IPO4: variants seen among roughly 807,000 people sequenced by gnomAD.
IPO4 encodes importin-4.
IPO4 carries 91 observed loss-of-function variants against 133.5 expected under a neutral mutation model. That is an observed-to-expected ratio of 0.68 (90% CI 0.58 to 0.81). The LOEUF (loss-of-function observed/expected upper bound fraction) is 0.81, where lower values mean the gene tolerates loss of function less well. Among genes scored for constraint, IPO4 ranks in the 30% least tolerant of loss-of-function variants. The probability of loss-of-function intolerance (pLI) is 0.00; values close to 1 mark genes in which losing one functional copy is unlikely to be tolerated. For missense variants in IPO4, 1,279 were observed against 1,386.2 expected (o/e 0.92, Z 1.23); for synonymous variants, 607 against 581.6 (o/e 1.04, Z -0.63).
intron 11 of IPO4, 56 bp from the exon 12 acceptor site, chr14:24,186,026 T>C (rs2039216923): frequency 6.3e-7 from 1 of 1,588,368 alleles, no homozygotes; most frequent in African/African-American, 1.3e-5. Flanking sequence ...CCCATTCCTG[T>C]GGTAATAGGC....
Position 24,187,793 on chromosome 14 carries a change from G to A in IPO4, c.282C>T (p.His94=). The A allele has an allele frequency of 6.2e-7, 1 of 1,614,138 alleles. No individual in the cohort carries two copies. ...ILTALQRETE[H]CVSLSLAQLS... is the part of the protein sequence containing the mutation. Reference sequence around the variant, plus strand: ...GCTGGGCCAGGCTGAGGCTCACACAGTGCCTGCAAACAGGAGAGATCTCCT... The same window carrying A: ...GCTGGGCCAGGCTGAGGCTCACACAATGCCTGCAAACAGGAGAGATCTCCT... Residue 94 remains histidine, a synonymous_variant, in exon 5 of 30, where the codon CAC becomes CAT. Transcript: ENST00000354464.
rs1310614979 is a variant in IPO4, at chr14:24,187,662, G to T, written c.408+5C>A. The T allele has an allele frequency of 6.2e-7, 1 of 1,613,828 alleles. No homozygotes were observed. The highest frequency in any genetic ancestry group is 1.3e-5 in the African/African-American group (1 of 74,942). ...CCCTCCCTCCTGCCAACCATGTGAT[G>T]GTACCTCTCTCTCTGGGCTGTGGGG... On this transcript the variant is annotated splice_donor_5th_base_variant and intron_variant, in intron 5 of 29. Transcript: ENST00000354464.
At position 24,188,215 on chromosome 14, in the gene IPO4, C is replaced by T. The variant is rs1373084845; in HGVS notation, c.278+1G>A. 5 of 1,613,070 alleles carry T rather than the reference C, an allele frequency of 3.1e-6. No individual in the cohort carries two copies. Among genetic ancestry groups the T allele is most frequent in the Non-Finnish European group, 4.2e-6 (5 of 1,179,580 alleles). ...CCCGAGAGAAGTGGGTAGGTACTTA[C>T]TCTGTTTCTCTCTGCAGGGCCGTCA... On this transcript the variant is annotated splice_donor_variant, in intron 4 of 29. Coordinates refer to ENST00000354464, the MANE Select transcript of IPO4 (RefSeq NM_024658.4). LOFTEE classifies it high-confidence loss of function.
At position 24,183,986 on chromosome 14, in the gene IPO4, C is replaced by CCCCCCTTTCT; in HGVS notation, c.1869+11_1869+12insAGAAAGGGGG. Reference sequence around the variant, plus strand: ...GGGCAGGCCTGGCCCAGCCCACCCACCCTTTGCTCACCACAATGCCCTCGG... The same window carrying CCCCCCTTTCT: ...GGGCAGGCCTGGCCCAGCCCACCCACCCCCCTTTCTCCTTTGCTCACCACAATGCCCTCGG... On this transcript the variant is annotated intron_variant, in intron 18 of 29. Coordinates refer to ENST00000354464, the MANE Select transcript of IPO4 (RefSeq NM_024658.4). 6.2e-7 allele frequency: 1 copy of CCCCCCTTTCT among 1,607,552 alleles called. No individual in the cohort carries two copies. The highest frequency in any genetic ancestry group is 1.7e-5 in the Admixed American group (1 of 59,584).
At chr14:24,184,496 C>T in intron 16 of IPO4, 78 bp from the exon 17 acceptor site, 1 of 1,518,516 alleles carries the variant, frequency 6.6e-7, no homozygotes, top group Non-Finnish European at 8.9e-7. Context: ...GGGAGGGATT[C>T]AGAAATCCCG....
In IPO4 at chr14:24,184,305, G is replaced by T; in HGVS notation, c.1750C>A (p.Arg584Ser). The change falls in exon 17 of 30, where the codon CGC becomes AGC. Residue 584 changes from arginine (R) to serine (S), a missense_variant. By Grantham distance (110) the Arg-to-Ser change is moderately radical. Transcript: ENST00000354464. ...CDQVDDPDLRRCTYSLFAALS... is the reference protein window; with the variant it reads ...CDQVDDPDLRSCTYSLFAALS... ...GGGTGAGGGGTCACTCACGTGCAGC[G>T]CCGCAAGTCAGGGTCGTCTACCTGG... The T allele has an allele frequency of 6.3e-7, 1 of 1,583,200 alleles. No homozygotes were observed. Among genetic ancestry groups the T allele is most frequent in the Non-Finnish European group, 8.6e-7 (1 of 1,164,794 alleles).
At position 24,185,546 on chromosome 14, in the gene IPO4, C is replaced by G. The variant is rs367677423; in HGVS notation, c.1191G>C (p.Gln397His). The change falls in exon 13 of 30, where the codon CAG becomes CAC. Residue 397 changes from glutamine (Q) to histidine (H), a missense_variant. Physicochemically the swap from Gln to His is conservative, Grantham distance 24. Transcript: ENST00000354464. ...GGTCCTCCAGGCCCTTGCACACAAT[C>G]TGCAGCAGTGGGGGCAGCAGTCTGG... ...IRQRLLPPLL[Q>H]IVCKGLEDPS... 5 of 1,614,028 alleles carry G rather than the reference C, an allele frequency of 3.1e-6. No individual in the cohort carries two copies. The African/African-American group carries it at 4.0e-5, about 13-fold the overall frequency.
Position 24,182,108 on chromosome 14 carries a change from G to A in IPO4, c.2654C>T (p.Thr885Ile). Reference sequence around the variant, plus strand: ...TGAGGCAGCACCCAGGCCCTGAATAGTCTCTGCCAAGGTCCCCACTGCAAA... The same window carrying A: ...TGAGGCAGCACCCAGGCCCTGAATAATCTCTGCCAAGGTCCCCACTGCAAA... ...KSFAVGTLAE[T>I]IQGLGAASAQ... Residue 885 changes from threonine (T) to isoleucine (I), a missense_variant, in exon 26 of 30, where the codon ACT (threonine) becomes ATT (isoleucine). By Grantham distance (89) the Thr-to-Ile change is moderately conservative. This residue lies in a region of IPO4 where 575 missense variants were observed against 653.4 expected (regional missense o/e 0.88). Coordinates refer to ENST00000354464, the MANE Select transcript of IPO4 (RefSeq NM_024658.4). 6.2e-7 allele frequency: 1 copy of A among 1,614,044 alleles called. No individual in the cohort carries two copies. Among genetic ancestry groups the A allele is most frequent in the South Asian group, 1.1e-5 (1 of 91,084 alleles).
At chr14:24,186,002 C>T (rs956646440) in intron 11 of IPO4, 32 bp from the exon 12 acceptor site, 1 of 1,605,012 alleles carries the variant, frequency 6.2e-7, no homozygotes, top group African/African-American at 1.3e-5. Context: ...TTCTGAAACC[C>T]CAGCAAGAGC....
intron 2 of IPO4, 32 bp downstream of exon 2, chr14:24,188,520 G>GGAA (rs761691071): frequency 2.6e-5 from 42 of 1,609,026 alleles, no homozygotes; most frequent in Non-Finnish European, 3.2e-5. Flanking sequence ...GCGTACAGTG[G>GGAA]GAAGCTCGGA....
In IPO4 at chr14:24,181,884, C is replaced by G. The variant is rs753584891; in HGVS notation, c.2808-41G>C. On this transcript the variant is annotated intron_variant, in intron 26 of 29. Coordinates refer to ENST00000354464, the MANE Select transcript of IPO4 (RefSeq NM_024658.4). ...GGAATGGCCACACGCTCAGGTAGAC[C>G]TTGCCCACCTGCAAGCCCTGGGGAC... is the stretch of plus-strand genomic sequence containing the variant. The G allele has an allele frequency of 2.5e-6, 4 of 1,604,376 alleles. No individual in the cohort carries two copies. In the South Asian group the frequency reaches 4.4e-5, roughly 18 times the overall value.
Position 24,186,138 on chromosome 14 carries a change from A to G in IPO4, c.1050T>C (p.Cys350=), listed in dbSNP as rs2039218965. The change falls in exon 11 of 30, where the codon TGT becomes TGC. Residue 350 remains cysteine (C), a synonymous_variant. Transcript: ENST00000354464. Reference sequence around the variant, plus strand: ...ACAGAGCCACACTTACCAGCTGGGGACAGAGCTTCTCGGGGGGCAGGTGTA... The same window carrying G: ...ACAGAGCCACACTTACCAGCTGGGGGCAGAGCTTCTCGGGGGGCAGGTGTA... ...LALHLPPEKL[C]PQLMPMLEEA... is the part of the protein sequence containing the mutation. 1.9e-6 allele frequency: 3 copies of G among 1,613,780 alleles called. No homozygotes were observed. The highest frequency in any genetic ancestry group is 2.7e-5 in the African/African-American group (2 of 74,852).
chr14:24,188,206 A>G lies in IPO4; in HGVS notation c.278+10T>C. The stretch of plus-strand genomic sequence containing the variant: ...CGTCAAGATCCCGAGAGAAGTGGGT[A>G]GGTACTTACTCTGTTTCTCTCTGCA... On this transcript the variant is annotated intron_variant, in intron 4 of 29. Coordinates refer to ENST00000354464, the MANE Select transcript of IPO4 (RefSeq NM_024658.4). 6.2e-7 allele frequency: 1 copy of G among 1,612,020 alleles called. No homozygotes were observed. Among genetic ancestry groups the G allele is most frequent in the South Asian group, 1.1e-5 (1 of 90,716 alleles).
At position 24,184,752 on chromosome 14, in the gene IPO4, G is replaced by C. The variant is rs2039194374; in HGVS notation, c.1534C>G (p.Gln512Glu). Residue 512 changes from glutamine (Q) to glutamate (E), a missense_variant, in exon 16 of 30, where the codon CAG becomes GAG. Physicochemically the swap from Gln to Glu is conservative, Grantham distance 29. Around this residue, in one of 3 missense-constraint regions of IPO4, gnomAD observed 695 missense variants for 704.1 expected, o/e 0.99. Transcript: ENST00000354464. ...SALGAIATAA[Q>E]ASLLPYFPAI... ...GGGAAGTAGGGCAGCAGCGAGGCCT[G>C]GGCAGCCGTAGCTGCAGGATGGAAG... is the stretch of plus-strand genomic sequence containing the variant. 1.9e-6 allele frequency: 3 copies of C among 1,612,186 alleles called. No homozygotes were observed. In the Admixed American group the frequency reaches 5.0e-5, roughly 27 times the overall value.
intron 23 of IPO4, 35 bp from the exon 24 acceptor site, chr14:24,182,877 C>A (rs544724695): frequency 1.3e-6 from 2 of 1,598,512 alleles, no homozygotes; most frequent in African/African-American, 3.0e-5. Flanking sequence ...GGAGCTTTCA[C>A]GCCCCTTCTC....
At chr14:24,184,593 G>A in intron 16 of IPO4, 57 bp downstream of exon 16, 1 of 1,448,132 alleles carries the variant, frequency 6.9e-7, no homozygotes, top group East Asian at 2.4e-5. Context: ...GTCAACACCA[G>A]GTGAGCACCA....
Position 24,181,761 on chromosome 14 carries a change from C to A in IPO4, c.2890G>T (p.Ala964Ser). 6.2e-7 allele frequency: 1 copy of A among 1,602,412 alleles called. No homozygotes were observed. The highest frequency in any genetic ancestry group is 1.1e-5 in the South Asian group (1 of 89,642). ...CTGGCCATCAACAGGCGGGCAAGTG[C>A]CCCACAGATGTTGTCACGGACACGA... The part of the protein sequence containing the change: ...HDRVRDNICG[A>S]LARLLMASPT... Residue 964 changes from alanine to serine, a missense_variant, in exon 27 of 30, where the codon GCA (alanine) becomes TCA (serine). Physicochemically the swap from Ala to Ser is moderately conservative, Grantham distance 99 (BLOSUM62 1). Transcript: ENST00000354464.
rs372661851 is a variant in IPO4 at position 24,180,730 on chromosome 14, C to T, written c.3074G>A (p.Arg1025His). Residue 1025 changes from arginine (R) to histidine (H), a missense_variant, in exon 29 of 30, where the codon CGT (arginine) becomes CAT (histidine). Coordinates refer to ENST00000354464, the MANE Select transcript of IPO4 (RefSeq NM_024658.4). ...GTCAGCCAGAATGAGGCTGCAGATA[C>T]GCAGAAGCTCGGGAGCCACATCTAT... is the stretch of plus-strand genomic sequence containing the variant. ...QVIDVAPELL[R>H]ICSLILADNK... 9.3e-6 allele frequency: 15 copies of T among 1,614,048 alleles called. No homozygotes were observed. The African/African-American group carries it at 1.5e-4, about 16-fold the overall frequency.
Position 24,184,353 on chromosome 14 carries a change from G to C in IPO4, c.1702C>G (p.Gln568Glu). 1.2e-6 allele frequency: 2 copies of C among 1,600,912 alleles called. No individual in the cohort carries two copies. Among genetic ancestry groups the C allele is most frequent in the Non-Finnish European group, 1.7e-6 (2 of 1,174,096 alleles). Residue 568 changes from glutamine to glutamate, a missense_variant, in exon 17 of 30, where the codon CAG becomes GAG. Around this residue, in one of 3 missense-constraint regions of IPO4, gnomAD observed 9 missense variants for 28.7 expected, o/e 0.31. Transcript: ENST00000354464. ...PMRPLAEECC[Q>E]LGLGLCDQVD... The stretch of plus-strand genomic sequence containing the variant: ...TGGTCGCAGAGGCCCAGACCCAGCT[G>C]GCAGCATTCCTCAGCCAGCGGCCTC...
Sources: gnomAD v4.1 joint callset for allele counts on GRCh38, gnomAD v4.1.1 for gene constraint, gnomAD v4.1.1 regional missense constraint, MANE v1.5 for transcripts, NCBI Gene and HGNC (gene_info 2026-07-23, HGNC 2026-07-21) for gene names.